The following DIAPH3 variants were observed in gnomAD, a reference collection of about 807,000 sequenced individuals.
DIAPH3 encodes diaphanous related formin 3, also known as protein diaphanous homolog 3.
Under a neutral mutation model 144.3 loss-of-function variants are expected in DIAPH3, and 117 were observed. The observed-to-expected ratio is 0.81, with a 90% confidence interval of 0.70 to 0.95. DIAPH3 has a LOEUF of 0.95. Among genes scored for constraint, DIAPH3 ranks in the 40% least tolerant of loss-of-function variants. The pLI is 0.00. For synonymous variants in DIAPH3, 519 were observed against 488.9 expected, an observed-to-expected ratio of 1.06 and a Z score of -0.81; for missense variants, 1,421 against 1,412.7, an observed-to-expected ratio of 1.01 and a Z score of -0.09.
At chr13:60,066,268 GA>G (rs1213207085) in intron 4 of DIAPH3, among the ~76,000 whole-genome samples, 1 of 151,744 alleles carries the variant, frequency 6.6e-6, no homozygotes, top group Non-Finnish European at 1.5e-5. Flanking sequence ...TTTTAAGTGA[GA>G]AAAATATCCT....
intron 1 of DIAPH3, chr13:60,153,305 T>C (rs939245708): frequency 5.3e-5 from 8 of 152,080 alleles, no homozygotes; most frequent in Non-Finnish European, 1.2e-4. Context: ...AAGCTGGAAG[T>C]ATAAGAGTTT....
intron 2 of DIAPH3, among the ~76,000 whole-genome samples, chr13:60,122,610 C>G (rs1401442359): frequency 6.6e-6 from 1 of 152,068 alleles, no homozygotes; most frequent in African/African-American, 2.4e-5. Context: ...TGCTTCTTGC[C>G]ATGCTAAATT....
intron 27 of DIAPH3, among the ~76,000 whole-genome samples, chr13:59,692,488 T>C (rs1269812386): frequency 1.4e-5 from 2 of 138,608 alleles, no homozygotes; most frequent in African/African-American, 2.7e-5. Context: ...ACAACTATAA[T>C]CCATCTTCTG....
intron 27 of DIAPH3, among the ~76,000 whole-genome samples, chr13:59,771,579 G>T (rs923536289): frequency 6.6e-6 from 1 of 152,026 alleles, no homozygotes; most frequent in African/African-American, 2.4e-5. Flanking sequence ...CTAAAAAAAT[G>T]TATGCATATA....
rs570631370 is a variant in DIAPH3, at chr13:59,675,210, C to T, written c.3320-8364G>A. ...CCTTCGGAGTAGCTAGGTCTACAGG[C>T]ACGTATCACCATGCCTGGCTAACTT... On this transcript the variant is annotated intron_variant, in intron 27 of 27. Coordinates refer to ENST00000400324, the MANE Select transcript of DIAPH3 (RefSeq NM_001042517.2). Among the ~76,000 whole-genome samples the T allele has an allele frequency of 2.0e-5, 3 of 152,086 alleles. No homozygotes were observed. The East Asian group carries it at 5.8e-4, about 30-fold the overall frequency.
intron 27 of DIAPH3, among the ~76,000 whole-genome samples, chr13:59,719,701 A>C (rs2035243537): frequency 6.6e-6 from 1 of 152,106 alleles, no homozygotes; most frequent in African/African-American, 2.4e-5. Flanking sequence ...TCTGGCTGTT[A>C]CTGTCTTCTT....
intron 4 of DIAPH3, among the ~76,000 whole-genome samples, chr13:60,058,600 C>T (rs1456729733): frequency 6.6e-6 from 1 of 151,950 alleles, no homozygotes; most frequent in Admixed American, 6.6e-5. Context: ...ATTGCAAAGA[C>T]ATGGAATCAA....
At chr13:59,742,755 C>T (rs1386176855) in intron 27 of DIAPH3, among the ~76,000 whole-genome samples, 1 of 151,844 alleles carries the variant, frequency 6.6e-6, no homozygotes, top group Non-Finnish European at 1.5e-5. Flanking sequence ...CATGTCTCTT[C>T]TACACAGTAG....
chr13:59,723,028 G>A (rs567932310), intron 27 of DIAPH3, among the ~76,000 whole-genome samples: 1 of 152,278 alleles, frequency 6.6e-6, no homozygotes, highest in African/African-American at 2.4e-5. Context: ...TTCCTATTTG[G>A]TAGTGATGAG....
At chr13:60,049,656 C>T (rs763231738) in intron 4 of DIAPH3, among the ~76,000 whole-genome samples, 10 of 152,306 alleles carry the variant, frequency 6.6e-5, no homozygotes, top group African/African-American at 1.7e-4. Context: ...ATTAAAATAA[C>T]TTTCATTACT....
intron 27 of DIAPH3, among the ~76,000 whole-genome samples, chr13:59,682,603 T>A (rs536120683): frequency 6.6e-6 from 1 of 152,232 alleles, no homozygotes; most frequent in Non-Finnish European, 1.5e-5. Context: ...TGCCTTTAAA[T>A]TTTTTAGCTG....
chr13:59,942,429 T>C (rs1161451136), intron 17 of DIAPH3, among the ~76,000 whole-genome samples: 2 of 152,114 alleles, frequency 1.3e-5, no homozygotes, highest in Admixed American at 6.5e-5. Context: ...TTAATACACA[T>C]CAAAATATAT....
chr13:59,730,147 A>AT (rs1298554797), intron 27 of DIAPH3, among the ~76,000 whole-genome samples: 4 of 152,094 alleles, frequency 2.6e-5, no homozygotes, highest in South Asian at 2.1e-4. Flanking sequence ...TAGATTTGTG[A>AT]TTTTTCTATG....
intron 27 of DIAPH3, among the ~76,000 whole-genome samples, chr13:59,747,633 G>T (rs1337573025): frequency 6.6e-6 from 1 of 152,090 alleles, no homozygotes; most frequent in African/African-American, 2.4e-5. Flanking sequence ...GGAAGGAGAG[G>T]GCCATATAAC....
At chr13:60,101,536 A>G (rs74835935) in intron 3 of DIAPH3, among the ~76,000 whole-genome samples, 1 of 142,384 alleles carries the variant, frequency 7.0e-6, no homozygotes, top group East Asian at 2.1e-4. Context: ...TTTTTTTTTT[A>G]GCTCATCAGC....
chr13:59,772,528 A>G (rs181082791), intron 27 of DIAPH3, among the ~76,000 whole-genome samples: 2 of 152,178 alleles, frequency 1.3e-5, no homozygotes, highest in Non-Finnish European at 2.9e-5. Flanking sequence ...TAAAAATGCA[A>G]TGCTCATCTG....
intron 24 of DIAPH3, among the ~76,000 whole-genome samples, chr13:59,828,241 C>T (rs2139687844): frequency 6.6e-6 from 1 of 152,086 alleles, no homozygotes; most frequent in South Asian, 2.1e-4. Context: ...TTCACCTTAT[C>T]CTTCACCCCA....
Position 60,109,467 on chromosome 13 carries a change from A to C in DIAPH3, c.390+2543T>G, listed in dbSNP as rs190862664. Among the ~76,000 whole-genome samples, 445 of 150,510 alleles carry C rather than the reference A, an allele frequency of 3.0e-3. 2 individuals carry two copies. The highest frequency in any genetic ancestry group is 9.5e-3 in the African/African-American group (389 of 40,812). On this transcript the variant is annotated intron_variant, in intron 3 of 27. Transcript: ENST00000400324. ...GGAAGAGACAAATTCAGTCCAGAGA[A>C]TAGGGAAGAATGGAAAAGCAAGATG...
intron 17 of DIAPH3, among the ~76,000 whole-genome samples, chr13:59,946,566 C>T (rs959884317): frequency 6.6e-5 from 10 of 152,006 alleles, no homozygotes; most frequent in Admixed American, 6.6e-5. Context: ...TGAAGTAGCA[C>T]ACAAATAAAC....
Sources: gnomAD v4.1 joint callset for allele counts (sites outside exome capture counted in the v4.1 genomes callset) on GRCh38, gnomAD v4.1.1 for gene constraint, MANE v1.5 for transcripts, NCBI Gene and HGNC (gene_info 2026-07-23, HGNC 2026-07-21) for gene names.